The following MACROD2 variants were observed in gnomAD, a reference collection of about 807,000 sequenced individuals.
MACROD2 encodes ADP-ribose glycohydrolase MACROD2.
MACROD2 carries 36 observed loss-of-function variants against 70.4 expected under a neutral mutation model. That is an observed-to-expected ratio of 0.51 (90% CI 0.39 to 0.68). MACROD2 has a LOEUF of 0.68. MACROD2 is among the 30% of genes least tolerant of loss of function. The probability of loss-of-function intolerance (pLI) is 0.00; values close to 1 mark genes in which losing one functional copy is unlikely to be tolerated. For missense variants in MACROD2, 496 were observed against 538.4 expected (o/e 0.92, Z 0.78); for synonymous variants, 172 against 178.8 (o/e 0.96, Z 0.30).
intron 2 of MACROD2, among the ~76,000 whole-genome samples, chr20:14,036,769 T>G (rs983829242): frequency 6.6e-6 from 1 of 152,210 alleles, no homozygotes; most frequent in Non-Finnish European, 1.5e-5. Context: ...GCTCAAGCGA[T>G]TCTCCCACCT....
chr20:14,757,939 CA>C, intron 5 of MACROD2: 1 of 1,028,830 alleles, frequency 9.7e-7, no homozygotes, highest in Non-Finnish European at 1.5e-6. Context: ...GAGATACCTA[CA>C]GACGGAGTGC....
intron 8 of MACROD2, among the ~76,000 whole-genome samples, chr20:15,643,907 G>A (rs1052797726): frequency 5.9e-5 from 9 of 152,142 alleles, no homozygotes; most frequent in African/African-American, 2.2e-4. Flanking sequence ...TCTTAAGATG[G>A]CCACTAGGGG....
rs142796742 is a variant in MACROD2, at chr20:15,949,404, G to A, written c.907+11860G>A. Among the ~76,000 whole-genome samples, 690 of 152,226 alleles carry A rather than the reference G, an allele frequency of 4.5e-3. 5 individuals carry two copies. Among genetic ancestry groups the A allele is most frequent in the African/African-American group, 0.016 (653 of 41,556 alleles). ...TCAAGAAATCTATTGATATGCTAACGCAGGTTAGAGAGGTTCAGTAACAGG... is the reference window on the plus strand; with the variant it reads ...TCAAGAAATCTATTGATATGCTAACACAGGTTAGAGAGGTTCAGTAACAGG... On this transcript the variant is annotated intron_variant, in intron 12 of 17. Transcript: ENST00000684519.
At chr20:15,532,052 G>A (rs573756371) in intron 8 of MACROD2, among the ~76,000 whole-genome samples, 3 of 152,014 alleles carry the variant, frequency 2.0e-5, no homozygotes, top group Non-Finnish European at 4.4e-5. Flanking sequence ...AGTGAATTTA[G>A]TTCTGCATGG....
rs1376826929 is a variant in MACROD2, at chr20:14,786,214, G to GAGAGAGAC, written c.418+101262_418+101263insCAGAGAGA. ...TCACTCAGAGAAAGATAGAGAGAGA[G>GAGAGAGAC]AGAGAGAGAGAGAGAGAGAGAGAAT... On this transcript the variant is annotated intron_variant, in intron 5 of 17. Transcript: ENST00000684519. 8.2e-4 allele frequency among the ~76,000 whole-genome samples: 123 copies of GAGAGAGAC among 150,206 alleles called. 1 individual carries two copies. The highest frequency in any genetic ancestry group is 2.7e-3 in the African/African-American group (109 of 40,146).
intron 5 of MACROD2, among the ~76,000 whole-genome samples, chr20:15,057,263 C>T (rs1374492500): frequency 1.3e-5 from 2 of 152,164 alleles, no homozygotes; most frequent in African/African-American, 4.8e-5. Context: ...TAATTCCCTC[C>T]ATTTTATTCC....
chr20:14,039,826 A>G (rs150982361), intron 2 of MACROD2, among the ~76,000 whole-genome samples: 2 of 150,598 alleles, frequency 1.3e-5, no homozygotes, highest in South Asian at 2.1e-4. Context: ...TTTATTAAGT[A>G]TGACCATTAA....
At chr20:15,785,542 T>A (rs1054050860) in intron 8 of MACROD2, among the ~76,000 whole-genome samples, 1 of 152,010 alleles carries the variant, frequency 6.6e-6, no homozygotes, top group African/African-American at 2.4e-5. Context: ...AGAGGGTAAG[T>A]TTAGGGAGGA....
At chr20:15,431,022 TA>T (rs1313770300) in intron 6 of MACROD2, among the ~76,000 whole-genome samples, 5 of 152,022 alleles carry the variant, frequency 3.3e-5, no homozygotes, top group Non-Finnish European at 7.4e-5. Flanking sequence ...CAGACACACA[TA>T]ATCTCAAGAG....
At chr20:14,630,360 G>A (rs1984441696) in intron 4 of MACROD2, among the ~76,000 whole-genome samples, 1 of 152,190 alleles carries the variant, frequency 6.6e-6, no homozygotes, top group Non-Finnish European at 1.5e-5. Flanking sequence ...AGTAGGAAAA[G>A]CATTTTGTTT....
intron 9 of MACROD2, among the ~76,000 whole-genome samples, chr20:15,868,603 C>CT (rs5840688): frequency 0.73 from 99,146 of 135,562 alleles, 36,367 homozygotes; most frequent in East Asian, 0.84. Flanking sequence ...TAATACTTTT[C>CT]TTTTTTTTTT....
Position 16,050,157 on chromosome 20 carries a change from C to T in MACROD2, c.*281C>T. 1 of 299,746 alleles carries T rather than the reference C, an allele frequency of 3.3e-6. No individual in the cohort carries two copies. Among genetic ancestry groups the T allele is most frequent in the Non-Finnish European group, 6.3e-6 (1 of 157,490 alleles). 18.6% of individuals were successfully genotyped at this position (299,746 alleles called of 1,614,324 possible). On this transcript the variant is annotated 3_prime_UTR_variant, in exon 18 of 18. Transcript: ENST00000684519. ...TTCTGTCTTTTCTCTTACAACTTTG[C>T]CCCAGGGTCACAGTGGCTTGATTGA...
At chr20:15,980,753 A>T (rs1424368841) in intron 13 of MACROD2, among the ~76,000 whole-genome samples, 2 of 152,200 alleles carry the variant, frequency 1.3e-5, no homozygotes, top group Non-Finnish European at 2.9e-5. Context: ...TAAATTTCTT[A>T]TAGACTTCTC....
At chr20:15,983,868 T>C (rs964022000) in intron 13 of MACROD2, among the ~76,000 whole-genome samples, 1 of 152,238 alleles carries the variant, frequency 6.6e-6, no homozygotes, top group African/African-American at 2.4e-5. Flanking sequence ...GTTTTAAGTC[T>C]TTAACTTCTA....
intron 5 of MACROD2, among the ~76,000 whole-genome samples, chr20:15,065,030 G>A (rs185641742): frequency 5.9e-5 from 9 of 151,384 alleles, no homozygotes; most frequent in South Asian, 2.1e-4. Flanking sequence ...GTTGGTAAAC[G>A]GAAAAAAAAA....
At chr20:15,386,631 A>G (rs920966556) in intron 6 of MACROD2, among the ~76,000 whole-genome samples, 5 of 152,220 alleles carry the variant, frequency 3.3e-5, no homozygotes, top group Non-Finnish European at 7.3e-5. Flanking sequence ...CAATAATTAC[A>G]TTATAATATC....
intron 9 of MACROD2, among the ~76,000 whole-genome samples, chr20:15,864,623 A>T (rs6034308): frequency 0.16 from 24,304 of 152,136 alleles, 2,156 homozygotes; most frequent in South Asian, 0.34. Context: ...AATTTTTTTT[A>T]AAATGAGACA....
At chr20:15,304,192 G>C (rs1265935505) in intron 6 of MACROD2, among the ~76,000 whole-genome samples, 4 of 151,980 alleles carry the variant, frequency 2.6e-5, no homozygotes, top group Non-Finnish European at 5.9e-5. Flanking sequence ...GCATGACTGG[G>C]GTTGGAGATT....
chr20:14,462,147 C>T lies in MACROD2; in HGVS notation c.272-31332C>T, dbSNP rs573155823. 5.3e-5 allele frequency among the ~76,000 whole-genome samples: 8 copies of T among 152,170 alleles called. No homozygotes were observed. The South Asian group carries it at 1.7e-3, about 32-fold the overall frequency. ...ATGGTTGAACTAGTTTACAGTCCCA[C>T]CAACAGTGTAAAAGTGTTCCGATTT... is the stretch of plus-strand genomic sequence containing the variant. On this transcript the variant is annotated intron_variant, in intron 3 of 17. Coordinates refer to ENST00000684519, the MANE Select transcript of MACROD2 (RefSeq NM_001351661.2).
Sources: allele counts gnomAD v4.1 joint callset (sites outside exome capture counted in the v4.1 genomes callset), GRCh38; gene constraint gnomAD v4.1.1; transcripts MANE v1.5; gene names NCBI Gene and HGNC (gene_info 2026-07-23, HGNC 2026-07-21).